Variants in DMD observed in about 807,000 individuals in gnomAD.
The protein encoded by DMD is mutant dystrophin.
In DMD, 63 loss-of-function variants were observed where a neutral mutation model predicts 330.1. The ratio of observed to expected loss-of-function variants is 0.19; its 90% CI spans 0.16 to 0.24. DMD has a LOEUF of 0.24. Among genes scored for constraint, DMD ranks in the 10% least tolerant of loss-of-function variants. The probability of loss-of-function intolerance (pLI) is 1.00; values close to 1 mark genes in which losing one functional copy is unlikely to be tolerated. For synonymous variants in DMD, 1,223 were observed against 959.8 expected, an observed-to-expected ratio of 1.27 and a Z score of -5.07; for missense variants, 3,344 against 2,684.1, an observed-to-expected ratio of 1.25 and a Z score of -5.43.
intron 16 of DMD, among the ~76,000 whole-genome samples, chrX:32,564,189 A>G (rs1228425364): frequency 5.4e-5 from 6 of 112,104 alleles, no homozygotes; most frequent in Non-Finnish European, 1.1e-4. Context: ...GGTGGCTACT[A>G]TGCAGACTCA....
At chrX:33,058,082 G>A (rs1308459720) in intron 1 of DMD, among the ~76,000 whole-genome samples, 1 of 110,874 alleles carries the variant, frequency 9.0e-6, no homozygotes, top group Non-Finnish European at 1.9e-5. Context: ...GTTTCACTAT[G>A]TTGACCAGGC....
intron 35 of DMD, 128 bp downstream of exon 35, chrX:32,364,886 TTATAGA>T (rs1231437796): frequency 3.9e-6 from 3 of 761,285 alleles, no homozygotes; most frequent in East Asian, 7.0e-5. Context: ...TAAAATATTG[TTATAGA>T]TATTGAATTA....
intron 12 of DMD, among the ~76,000 whole-genome samples, chrX:32,600,195 C>G (rs1294098465): frequency 8.9e-6 from 1 of 111,756 alleles, no homozygotes; most frequent in Admixed American, 9.5e-5. Flanking sequence ...TTAGAAAAAC[C>G]ACTGGAGAGC....
At chrX:33,175,840 T>G (rs758877598) in intron 1 of DMD, among the ~76,000 whole-genome samples, 1 of 111,926 alleles carries the variant, frequency 8.9e-6, no homozygotes, top group Non-Finnish European at 1.9e-5. Context: ...ATAAGTAAAA[T>G]GTATTATTTT....
At position 32,555,620 on chromosome X, in the gene DMD, C is replaced by T. The variant is rs372259192; in HGVS notation, c.1992+10082G>A. On this transcript the variant is annotated intron_variant, in intron 16 of 78. Transcript: ENST00000357033. ...TCACCAGAAAAGCAGGGTACTGGTACAAGAACAGACACATAGACCAATGAA... is the reference window on the plus strand; with the variant it reads ...TCACCAGAAAAGCAGGGTACTGGTATAAGAACAGACACATAGACCAATGAA... Among the ~76,000 whole-genome samples the T allele has an allele frequency of 5.4e-5, 6 of 111,632 alleles. 1 individual carries two copies. In the East Asian group the frequency reaches 1.7e-3, roughly 32 times the overall value.
chrX:33,008,941 C>CTTAT (rs1569548763), intron 2 of DMD, among the ~76,000 whole-genome samples: 1 of 79,710 alleles, frequency 1.3e-5, no homozygotes, highest in East Asian at 3.6e-4. Flanking sequence ...TATATACACA[C>CTTAT]GTATATATAC....
intron 56 of DMD, among the ~76,000 whole-genome samples, chrX:31,502,921 G>A (rs1363762665): frequency 2.7e-5 from 3 of 111,852 alleles, no homozygotes; most frequent in Admixed American, 1.9e-4. Flanking sequence ...AACTGTGTGT[G>A]TATGCATGTG....
intron 60 of DMD, among the ~76,000 whole-genome samples, chrX:31,389,753 AT>A (rs1872220345): frequency 8.9e-6 from 1 of 112,328 alleles, no homozygotes; most frequent in Non-Finnish European, 1.9e-5. Context: ...ATAGAAATGC[AT>A]TTCTCCAATA....
chrX:31,161,432 T>C (rs1317809309), intron 74 of DMD, among the ~76,000 whole-genome samples: 1 of 112,063 alleles, frequency 8.9e-6, no homozygotes, highest in African/African-American at 3.2e-5. Context: ...ACTTGAAATG[T>C]CCTTGGGCAA....
intron 50 of DMD, among the ~76,000 whole-genome samples, chrX:31,814,274 G>A (rs1023735338): frequency 9.2e-6 from 1 of 108,246 alleles, no homozygotes; most frequent in African/African-American, 3.4e-5. Context: ...GAGGTCAGGA[G>A]ATCGAGACCA....
In DMD at chrX:32,343,158, C is replaced by G; in HGVS notation, c.5715G>C (p.Glu1905Asp). 1.7e-6 allele frequency: 2 copies of G among 1,210,720 alleles called. No homozygotes were observed. Among genetic ancestry groups the G allele is most frequent in the Non-Finnish European group, 2.2e-6 (2 of 894,957 alleles). Reference sequence around the variant, plus strand: ...CCTTTATTTTCCTTTCATCTCTGGGCTCAGGTAGGCTGGCTAATTTTTTTT... The same window carrying G: ...CCTTTATTTTCCTTTCATCTCTGGGGTCAGGTAGGCTGGCTAATTTTTTTT... ...DIEKKLASLPEPRDERKIKEI... is the reference protein window; with the variant it reads ...DIEKKLASLPDPRDERKIKEI... The change falls in exon 40 of 79, where the codon GAG (glutamate) becomes GAC (aspartate). Residue 1905 changes from glutamate (E) to aspartate (D), a missense_variant. Transcript: ENST00000357033.
intron 2 of DMD, among the ~76,000 whole-genome samples, chrX:32,925,187 G>C (rs1319152882): frequency 2.9e-5 from 2 of 68,374 alleles, no homozygotes; most frequent in Non-Finnish European, 5.0e-5. Context: ...AAAAATAATT[G>C]ATGGACTCAA....
chrX:33,339,110 A>T (rs2054297573), intron 1 of DMD: 2 of 659,309 alleles, frequency 3.0e-6, no homozygotes, highest in Non-Finnish European at 4.3e-6. Context: ...CAATTTTAAA[A>T]TCCATTCTGT....
chrX:31,790,955 G>A (rs1000093335), intron 50 of DMD, among the ~76,000 whole-genome samples: 1 of 111,919 alleles, frequency 8.9e-6, no homozygotes, highest in Non-Finnish European at 1.9e-5. Context: ...AATTGCAGTA[G>A]CATCTACATC....
At chrX:32,163,922 A>G (rs769694751) in intron 44 of DMD, among the ~76,000 whole-genome samples, 1 of 111,640 alleles carries the variant, frequency 9.0e-6, no homozygotes, top group Admixed American at 9.6e-5. Flanking sequence ...TTTGAAAAAT[A>G]CTGCATATAC....
At chrX:33,287,838 C>T (rs1470393580) in intron 1 of DMD, among the ~76,000 whole-genome samples, 2 of 111,501 alleles carry the variant, frequency 1.8e-5, no homozygotes, top group Admixed American at 1.9e-4. Flanking sequence ...CATCATCAGG[C>T]AATCCTTTAT....
chrX:32,246,769 C>G (rs893398299), intron 43 of DMD, among the ~76,000 whole-genome samples: 8 of 109,691 alleles, frequency 7.3e-5, no homozygotes, highest in Admixed American at 5.9e-4. Flanking sequence ...TTGTAGTATT[C>G]TCTGACGGTA....
At chrX:32,226,151 C>T (rs1322590989) in intron 43 of DMD, among the ~76,000 whole-genome samples, 2 of 111,702 alleles carry the variant, frequency 1.8e-5, no homozygotes, top group African/African-American at 6.5e-5. Context: ...TCCAACTCAT[C>T]TCTCCCTATT....
chrX:31,469,100 G>A (rs1263027602), intron 59 of DMD, among the ~76,000 whole-genome samples: 1 of 110,932 alleles, frequency 9.0e-6, no homozygotes, highest in Admixed American at 9.6e-5. Context: ...ACAGCACACT[G>A]ATGGGTCTTG....
Sources: allele counts gnomAD v4.1 joint callset (sites outside exome capture counted in the v4.1 genomes callset), GRCh38; gene constraint gnomAD v4.1.1; transcripts MANE v1.5; gene names NCBI Gene and HGNC (gene_info 2026-07-23, HGNC 2026-07-21).